SUMF1: variants seen among roughly 807,000 people sequenced by gnomAD.
The protein encoded by SUMF1 is formylglycine-generating enzyme.
In SUMF1, 48 loss-of-function variants were observed where a neutral mutation model predicts 47.6. The observed-to-expected ratio is 1.01, with a 90% CI of 0.80 to 1.28. The LOEUF (loss-of-function observed/expected upper bound fraction) is 1.28, where lower values mean the gene tolerates loss of function less well. Among genes scored for constraint, SUMF1 ranks in the 50% most tolerant of loss-of-function variants. The probability of loss-of-function intolerance (pLI) is 0.00; values close to 1 mark genes in which losing one functional copy is unlikely to be tolerated. For missense variants in SUMF1, 571 were observed against 485.4 expected (o/e 1.18, Z -1.66); for synonymous variants, 230 against 192.1 (o/e 1.20, Z -1.63).
At chr3:4,169,283 T>A (rs1838305) in intron 8 of SUMF1, among the ~76,000 whole-genome samples, 1 of 151,940 alleles carries the variant, frequency 6.6e-6, no homozygotes, top group African/African-American at 2.4e-5. Flanking sequence ...CCAGTATCTA[T>A]GAATCTGACT....
intron 8 of SUMF1, among the ~76,000 whole-genome samples, chr3:4,189,301 A>G (rs1311947218): frequency 1.3e-5 from 2 of 152,126 alleles, no homozygotes; most frequent in African/African-American, 2.4e-5. Flanking sequence ...ATCACCCACA[A>G]TTCACTACCC....
chr3:4,114,486 T>C (rs1465573010), intron 8 of SUMF1, among the ~76,000 whole-genome samples: 2 of 152,188 alleles, frequency 1.3e-5, no homozygotes, highest in African/African-American at 4.8e-5. Flanking sequence ...ATCCTTAATA[T>C]GCTGCCCTTA....
intron 8 of SUMF1, among the ~76,000 whole-genome samples, chr3:4,333,973 T>A (rs778047183): frequency 1.3e-5 from 2 of 151,752 alleles, no homozygotes; most frequent in African/African-American, 4.8e-5. Context: ...ACAAAAATAT[T>A]TAAAAAGTAG....
intron 8 of SUMF1, among the ~76,000 whole-genome samples, chr3:4,159,412 C>T (rs1694525375): frequency 1.4e-5 from 2 of 147,886 alleles, no homozygotes; most frequent in Admixed American, 6.6e-5. Flanking sequence ...AACTAACAAA[C>T]CAGCAAAAAA....
intron 8 of SUMF1, among the ~76,000 whole-genome samples, chr3:4,308,206 G>A (rs1346963846): frequency 1.3e-5 from 2 of 152,192 alleles, no homozygotes; most frequent in African/African-American, 2.4e-5. Context: ...TATACAGTCC[G>A]ATGGCTTCCT....
At chr3:4,135,526 G>A (rs1693904893) in intron 8 of SUMF1, among the ~76,000 whole-genome samples, 2 of 152,116 alleles carry the variant, frequency 1.3e-5, no homozygotes, top group South Asian at 4.1e-4. Context: ...CATACTGAAT[G>A]AGCAAAAACT....
At chr3:4,378,376 A>G (rs181431083) in intron 7 of SUMF1, among the ~76,000 whole-genome samples, 93 of 152,300 alleles carry the variant, frequency 6.1e-4, no homozygotes, top group East Asian at 7.7e-4. Flanking sequence ...ACAATTGTAA[A>G]CTCAAAAAAA....
In SUMF1 at chr3:4,228,619, G is replaced by A. The variant is rs185191023; in HGVS notation, c.1014+147711C>T. 2.4e-3 allele frequency among the ~76,000 whole-genome samples: 370 copies of A among 152,210 alleles called. 4 individuals are homozygous for A. The highest frequency in any genetic ancestry group is 7.5e-4 in the Non-Finnish European group (51 of 68,000). Reference sequence around the variant, plus strand: ...GGAATTTAAGGGTGATAGAAAATGTGGTTACTGAGAAGTTCAAACACCTGC... The same window carrying A: ...GGAATTTAAGGGTGATAGAAAATGTAGTTACTGAGAAGTTCAAACACCTGC... On this transcript the variant is annotated intron_variant and NMD_transcript_variant, in intron 8 of 12. Coordinates refer to the SUMF1 transcript ENST00000448413.
At chr3:4,121,056 C>G (rs141348516) in intron 8 of SUMF1, among the ~76,000 whole-genome samples, 237 of 152,194 alleles carry the variant, frequency 1.6e-3, no homozygotes, top group African/African-American at 5.7e-3. Context: ...AAACACTGGA[C>G]CAGACTTCAG....
intron 3 of SUMF1, among the ~76,000 whole-genome samples, chr3:4,448,919 T>A (rs1702874515): frequency 6.6e-6 from 1 of 152,208 alleles, no homozygotes; most frequent in Admixed American, 6.5e-5. Flanking sequence ...TAGAATAGAA[T>A]TTTAAAATGT....
In SUMF1 at chr3:4,384,604, T is replaced by C. The variant is rs148505513; in HGVS notation, c.955-8215A>G. The stretch of plus-strand genomic sequence containing the variant: ...AGTATGTAAACTTTTGGAACTGGCT[T>C]TTTTTCCACTCAGCATAATTCTCCG... On this transcript the variant is annotated intron_variant, in intron 7 of 8. Coordinates refer to ENST00000272902, the MANE Select transcript of SUMF1 (RefSeq NM_182760.4). 8.7e-4 allele frequency among the ~76,000 whole-genome samples: 132 copies of C among 152,292 alleles called. 1 individual carries two copies. The highest frequency in any genetic ancestry group is 3.0e-3 in the African/African-American group (126 of 41,574).
intron 8 of SUMF1, among the ~76,000 whole-genome samples, chr3:4,245,471 G>C (rs906114973): frequency 6.6e-6 from 1 of 152,150 alleles, no homozygotes; most frequent in Non-Finnish European, 1.5e-5. Context: ...CTGTTTGTTA[G>C]TTTTCCTTCT....
At chr3:4,065,479 C>T (rs932406861) in intron 9 of SUMF1, among the ~76,000 whole-genome samples, 34 of 152,190 alleles carry the variant, frequency 2.2e-4, no homozygotes, top group East Asian at 7.7e-4. Flanking sequence ...CAAACAGAAC[C>T]GTATTTTTAA....
Position 4,095,861 on chromosome 3 carries a change from T to G in SUMF1, c.1015-27116A>C, listed in dbSNP as rs1390414391. On this transcript the variant is annotated intron_variant and NMD_transcript_variant, in intron 8 of 12. Coordinates refer to the SUMF1 transcript ENST00000448413. ...AGTGGTAGATAACTCTGGTATTCACTGAACAAGGGAAAGCAAAATACTCTT... is the reference window on the plus strand; with the variant it reads ...AGTGGTAGATAACTCTGGTATTCACGGAACAAGGGAAAGCAAAATACTCTT... Among the ~76,000 whole-genome samples the G allele has an allele frequency of 4.6e-5, 7 of 152,162 alleles. No individual in the cohort carries two copies. The East Asian group carries it at 1.3e-3, about 29-fold the overall frequency.
intron 8 of SUMF1, among the ~76,000 whole-genome samples, chr3:4,343,257 G>C (rs1699308803): frequency 6.6e-6 from 1 of 152,304 alleles, no homozygotes; most frequent in Non-Finnish European, 1.5e-5. Flanking sequence ...GAGGTCAGAA[G>C]CATTCTCAAA....
intron 8 of SUMF1, chr3:4,304,098 C>T (rs1388544757): frequency 5.4e-6 from 1 of 184,658 alleles, no homozygotes; most frequent in Non-Finnish European, 1.3e-5. Flanking sequence ...GCTGTAAGAA[C>T]TCAGTAAATG....
At chr3:4,449,057 C>T (rs1457312834) in intron 3 of SUMF1, among the ~76,000 whole-genome samples, 4 of 152,174 alleles carry the variant, frequency 2.6e-5, no homozygotes, top group African/African-American at 4.8e-5. Flanking sequence ...TCAAGGCAGA[C>T]CCATCACTTC....
chr3:4,054,243 C>T lies in SUMF1; in HGVS notation c.1191+14326G>A, dbSNP rs116088731. On this transcript the variant is annotated intron_variant and NMD_transcript_variant, in intron 9 of 12. Coordinates refer to the SUMF1 transcript ENST00000448413. ...ATATGAGCACAATTTCAACACAAAG[C>T]TCTAGTATGGCTTTCAAAGCAATCA... 5.7e-3 allele frequency among the ~76,000 whole-genome samples: 863 copies of T among 152,224 alleles called. 9 individuals carry two copies. Among genetic ancestry groups the T allele is most frequent in the African/African-American group, 0.02 (823 of 41,536 alleles).
chr3:4,151,551 G>GTA (rs1401906976), intron 8 of SUMF1, among the ~76,000 whole-genome samples: 4 of 87,966 alleles, frequency 4.5e-5, no homozygotes, highest in Admixed American at 1.4e-4. Flanking sequence ...ATATGTGTGT[G>GTA]TATATACACA....
Sources: gnomAD v4.1 joint callset for allele counts (sites outside exome capture counted in the v4.1 genomes callset) on GRCh38, gnomAD v4.1.1 for gene constraint, MANE v1.5 for transcripts, NCBI Gene and HGNC (gene_info 2026-07-23, HGNC 2026-07-21) for gene names.